The following AKAP17A variants were observed in gnomAD, a reference collection of about 807,000 sequenced individuals.
AKAP17A encodes A-kinase anchoring protein 17A.
A neutral mutation model predicts 52.2 loss-of-function variants in AKAP17A; 15 were observed. The observed-to-expected ratio is 0.29, with a 90% CI of 0.19 to 0.44. The LOEUF (loss-of-function observed/expected upper bound fraction) is 0.44. Among genes scored for constraint, AKAP17A ranks in the 20% least tolerant of loss-of-function variants. The pLI is 1.00. For missense variants in AKAP17A, 1,060 were observed against 1,007.0 expected (o/e 1.05, Z -0.71); for synonymous variants, 514 against 424.7 (o/e 1.21, Z -2.58).
chrX:1,601,928 C>T lies in AKAP17A; in HGVS notation c.*334C>T, dbSNP rs1128551. On this transcript the variant is annotated 3_prime_UTR_variant, in exon 5 of 5. Coordinates refer to ENST00000313871, the MANE Select transcript of AKAP17A (RefSeq NM_005088.3). ...GGCAGAGCTGCTGCATTCCCCCACA[C>T]GGGGATTTCTGTGTCTGCTTGGCGA... is the stretch of plus-strand genomic sequence containing the variant. 152,401 of 291,458 alleles carry T rather than the reference C, an allele frequency of 0.52. 40,518 individuals carry two copies. Among genetic ancestry groups the T allele is most frequent in the Middle Eastern group, 0.62 (671 of 1,082 alleles). 18.1% of individuals were successfully genotyped at this position (291,458 alleles called of 1,614,324 possible).
chrX:1,599,290 A>G lies in AKAP17A; in HGVS notation c.1010A>G (p.Asn337Ser), dbSNP rs1204693079. 2.5e-6 allele frequency: 4 copies of G among 1,611,636 alleles called. No homozygotes were observed. In the Admixed American group the frequency reaches 6.7e-5, roughly 27 times the overall value. ...QKQRDRELRR[N>S]QKKLEKLQAE... ...CAGAGGGACCGTGAGCTGCGCCGGA[A>G]TCAGAAGAAGCTGGAGAAGCTGCAG... The change falls in exon 4 of 5, where the codon AAT (asparagine) becomes AGT (serine). Residue 337 changes from asparagine (N) to serine (S), a missense_variant. This residue lies in a region of AKAP17A where 793 missense variants were observed against 629.9 expected (regional missense o/e 1.26). Coordinates refer to ENST00000313871, the MANE Select transcript of AKAP17A (RefSeq NM_005088.3).
rs201550332 is a variant in AKAP17A, at chrX:1,601,505, G to A, written c.1999G>A (p.Ala667Thr). 2.3e-4 allele frequency: 347 copies of A among 1,526,700 alleles called. 2 individuals are homozygous for A. Among genetic ancestry groups the A allele is most frequent in the Non-Finnish European group, 2.8e-4 (327 of 1,147,994 alleles). 94.6% of individuals were successfully genotyped at this position (1,526,700 alleles called of 1,614,324 possible). The change falls in exon 5 of 5, where the codon GCC becomes ACC. Residue 667 changes from alanine to threonine, a missense_variant. Ala to Thr is a moderately conservative substitution (Grantham distance 58). Coordinates refer to ENST00000313871, the MANE Select transcript of AKAP17A (RefSeq NM_005088.3). The part of the protein sequence containing the change: ...RERSRERRGS[A>T]SRKHSRHRRR... Reference sequence around the variant, plus strand: ...GCGGAGCCGGGAGCGGAGGGGCAGCGCCAGCAGGAAGCACAGCCGCCACCG... The same window carrying A: ...GCGGAGCCGGGAGCGGAGGGGCAGCACCAGCAGGAAGCACAGCCGCCACCG...
intron 3 of AKAP17A, among the ~76,000 whole-genome samples, chrX:1,598,613 G>A (rs1183040118): frequency 1.8e-4 from 27 of 152,206 alleles, no homozygotes; most frequent in African/African-American, 3.9e-4. Context: ...TGGGGACCGC[G>A]CCCCTCCCCG....
In AKAP17A at chrX:1,602,411, G is replaced by A. The variant is rs1217002975; in HGVS notation, c.*817G>A. 4 of 152,186 alleles carry A rather than the reference G, an allele frequency of 2.6e-5. No homozygotes were observed. Among genetic ancestry groups the A allele is most frequent in the African/African-American group, 7.2e-5 (3 of 41,458 alleles). The allele number at this position is 152,186 out of a possible 1,614,324, so 9.4% of individuals were successfully genotyped here. ...TTTATAATCGTTTGCTTCTCCAAGT[G>A]AAGCTCAGAAATACCTAAAAATAGC... On this transcript the variant is annotated 3_prime_UTR_variant, in exon 5 of 5. Coordinates refer to ENST00000313871, the MANE Select transcript of AKAP17A (RefSeq NM_005088.3).
Position 1,596,823 on chromosome X carries a change from C to T in AKAP17A, c.911+1291C>T, listed in dbSNP as rs777816369. ...CTGTGCCCTCCTAGTGAGGCGGATT[C>T]GTCCTCTTCCTCCTCCATCCCTCCT... On this transcript the variant is annotated intron_variant, in intron 3 of 4. Coordinates refer to ENST00000313871, the MANE Select transcript of AKAP17A (RefSeq NM_005088.3). 8.6e-5 allele frequency among the ~76,000 whole-genome samples: 6 copies of T among 69,714 alleles called. 2 individuals carry two copies. The highest frequency in any genetic ancestry group is 5.1e-4 in the Admixed American group (4 of 7,854). 45.7% of individuals were successfully genotyped at this position (69,714 alleles called of 152,430 possible).
rs1933440804 is a variant in AKAP17A, at chrX:1,602,439, T to TA, written c.*847dup. On this transcript the variant is annotated 3_prime_UTR_variant, in exon 5 of 5. Coordinates refer to ENST00000313871, the MANE Select transcript of AKAP17A (RefSeq NM_005088.3). The stretch of plus-strand genomic sequence containing the variant: ...GCTCAGAAATACCTAAAAATAGCTG[T>TA]AACGTTCGCGTTAGGAAAGATGGTG... 6 of 152,232 alleles carry TA rather than the reference T, an allele frequency of 3.9e-5. No homozygotes were observed. Among genetic ancestry groups the TA allele is most frequent in the Admixed American group, 3.3e-4 (5 of 15,274 alleles). 9.4% of individuals were successfully genotyped at this position (152,232 alleles called of 1,614,324 possible).
chrX:1,593,350 T>G (rs1932871905), intron 1 of AKAP17A, 94 bp from the exon 2 acceptor site: 2 of 1,272,188 alleles, frequency 1.6e-6, no homozygotes, highest in African/African-American at 1.5e-5. Flanking sequence ...GTTTCTCTTC[T>G]CCGGGTCCAG....
intron 3 of AKAP17A, among the ~76,000 whole-genome samples, chrX:1,598,463 A>G (rs1255835775): frequency 6.6e-6 from 1 of 152,068 alleles, no homozygotes; most frequent in Non-Finnish European, 1.5e-5. Context: ...GGGCTTCAGA[A>G]GTCTCCGCCT....
Position 1,594,185 on chromosome X carries a change from C to A in AKAP17A, c.723C>A (p.Tyr241Ter). The A allele has an allele frequency of 6.3e-7, 1 of 1,578,668 alleles. No homozygotes were observed. The change falls in exon 2 of 5, where the codon TAC (tyrosine) becomes TAA (stop). Residue 241 changes from tyrosine (Y) to a stop codon, truncating the protein, a stop_gained. Transcript: ENST00000313871. LOFTEE classifies it high-confidence loss of function. Reference protein sequence around the residue: ...MSALRGMKLMYKGEDGKAVAC... With the variant: ...MSALRGMKLM ...CCCTGCGCGGGATGAAACTCATGTA[C>A]AAGGGCGAGGACGGCAAGGCCGTGG...
Position 1,601,594 on chromosome X carries a change from A to G in AKAP17A, c.2088A>G (p.Ter696=). ...GGCACCGCAGTACCTGGAACAGGTA[A>G]TGACGGGCACGGCCTCCCCACGGCC... ...PSRHRSTWNR[*] The change falls in exon 5 of 5, where the codon TAA becomes TAG. Residue 696 remains the stop codon, a stop_retained_variant. Transcript: ENST00000313871. The G allele has an allele frequency of 7.0e-7, 1 of 1,426,832 alleles. No individual in the cohort carries two copies. Among genetic ancestry groups the G allele is most frequent in the Non-Finnish European group, 9.1e-7 (1 of 1,097,776 alleles). 88.4% of individuals were successfully genotyped at this position (1,426,832 alleles called of 1,614,324 possible).
At chrX:1,600,271 G>C (rs1241486496) in intron 4 of AKAP17A, 92 of 1,098,428 alleles carry the variant, frequency 8.4e-5, no homozygotes, top group Non-Finnish European at 1.1e-4. Context: ...GCGGTGGCAT[G>C]CGTCTGCGGC....
intron 3 of AKAP17A, among the ~76,000 whole-genome samples, chrX:1,598,815 G>A (rs765060961): frequency 1.0e-3 from 158 of 152,304 alleles, no homozygotes; most frequent in African/African-American, 3.3e-3. Flanking sequence ...GGCGTCCTCC[G>A]CGCCGCTGTG....
Position 1,595,480 on chromosome X carries a change from G to C in AKAP17A, c.859G>C (p.Glu287Gln). The C allele has an allele frequency of 1.2e-6, 2 of 1,613,994 alleles. No homozygotes were observed. Among genetic ancestry groups the C allele is most frequent in the Non-Finnish European group, 8.5e-7 (1 of 1,179,866 alleles). Residue 287 changes from glutamate to glutamine, a missense_variant, in exon 3 of 5, where the codon GAA (glutamate) becomes CAA (glutamine). Coordinates refer to ENST00000313871, the MANE Select transcript of AKAP17A (RefSeq NM_005088.3). ...KLQELEQQRE[E>Q]QKRREKEAEE... ...TCAGGAACTGGAGCAGCAAAGAGAA[G>C]AACAAAAGCGCAGAGAGAAGGAAGC...
intron 2 of AKAP17A, 90 bp from the exon 3 acceptor site, chrX:1,595,294 A>G (rs1180063686): frequency 2.6e-6 from 4 of 1,567,484 alleles, no homozygotes; most frequent in Non-Finnish European, 8.7e-7. Flanking sequence ...CTCTGAGGCC[A>G]CTCGGCCCTA....
intron 3 of AKAP17A, 34 bp from the exon 4 acceptor site, chrX:1,599,158 C>G (rs372188689): frequency 1.2e-5 from 19 of 1,603,552 alleles, no homozygotes; most frequent in Non-Finnish European, 1.6e-5. Context: ...GGCTGCGGCG[C>G]TCTCTGTGAC....
rs757433558 is a variant in AKAP17A at position 1,597,184 on chromosome X, ACTC to A, written c.911+1655_911+1657del. Among the ~76,000 whole-genome samples the A allele has an allele frequency of 3.1e-3, 471 of 151,822 alleles. 2 individuals carry two copies. The highest frequency in any genetic ancestry group is 0.011 in the African/African-American group (443 of 41,374). ...GTTTGCACGAGAGTCCCGGCACTGA[ACTC>A]CTGGGAGCAGGTCCATCCTGCCCGT... On this transcript the variant is annotated intron_variant, in intron 3 of 4. Coordinates refer to ENST00000313871, the MANE Select transcript of AKAP17A (RefSeq NM_005088.3).
intron 3 of AKAP17A, among the ~76,000 whole-genome samples, chrX:1,597,645 C>T (rs770037214): frequency 6.6e-6 from 1 of 151,908 alleles, no homozygotes; most frequent in Non-Finnish European, 1.5e-5. Flanking sequence ...GACTCAGAGC[C>T]TCGGACCTCT....
chrX:1,593,487 G>A lies in AKAP17A; in HGVS notation c.25G>A (p.Asp9Asn), dbSNP rs1283532185. 1.2e-6 allele frequency: 2 copies of A among 1,613,522 alleles called. No individual in the cohort carries two copies. The highest frequency in any genetic ancestry group is 1.7e-5 in the Admixed American group (1 of 59,994). MAAATIVH[D>N]TSEAVELCPA... Reference sequence around the variant, plus strand: ...TATGGCAGCGGCTACCATCGTGCACGACACGTCTGAGGCCGTGGAGCTCTG... The same window carrying A: ...TATGGCAGCGGCTACCATCGTGCACAACACGTCTGAGGCCGTGGAGCTCTG... The change falls in exon 2 of 5, where the codon GAC becomes AAC. Residue 9 changes from aspartate to asparagine, a missense_variant. Coordinates refer to ENST00000313871, the MANE Select transcript of AKAP17A (RefSeq NM_005088.3).
At chrX:1,592,766 G>A (rs1212720630) in intron 1 of AKAP17A, among the ~76,000 whole-genome samples, 2 of 152,210 alleles carry the variant, frequency 1.3e-5, no homozygotes, top group South Asian at 4.1e-4. Flanking sequence ...GCTCAGCAGG[G>A]AAGAGGTGGG....
Sources: allele counts gnomAD v4.1 joint callset (sites outside exome capture counted in the v4.1 genomes callset), GRCh38; gene constraint gnomAD v4.1.1; regional missense constraint gnomAD v4.1.1; transcripts MANE v1.5; gene names NCBI Gene and HGNC (gene_info 2026-07-23, HGNC 2026-07-21).